Variants in RNF40 observed in about 807,000 individuals in gnomAD.
RNF40 encodes E3 ubiquitin-protein ligase BRE1B.
In RNF40, 39 loss-of-function variants were observed where a neutral mutation model predicts 123.3. The observed-to-expected ratio is 0.32, with a 90% CI of 0.24 to 0.41. RNF40 has a LOEUF of 0.41. RNF40 is among the 10% of genes least tolerant of loss of function. The pLI is 1.00. For missense variants in RNF40, 1,003 were observed against 1,319.9 expected (o/e 0.76, Z 3.72); for synonymous variants, 538 against 526.0 (o/e 1.02, Z -0.31).
chr16:30,766,884 G>A lies in RNF40; in HGVS notation c.1429+8G>A, dbSNP rs762899972. The A allele has an allele frequency of 7.4e-6, 12 of 1,612,420 alleles. No homozygotes were observed. The highest frequency in any genetic ancestry group is 1.7e-5 in the Admixed American group (1 of 59,980). ...CGGCCAACGAGCAGGCGGGTATGTG[G>A]TGAGGATAGGGCGGAGGTGGGGCCT... On this transcript the variant is annotated splice_region_variant and intron_variant, in intron 11 of 19. Transcript: ENST00000324685. This position sits in a 1 kb window ranked among gnomAD's most constrained non-coding sequence, Gnocchi z 5.4.
rs1352486678 is a variant in RNF40 at position 30,763,332 on chromosome 16, A to T, written c.300+47A>T. ...AGACCAGGCCTTGATTCAGCTGCCA[A>T]TCCCCAGATTCCCCTGCTAGGAAAG... On this transcript the variant is annotated intron_variant, in intron 3 of 19. Transcript: ENST00000324685. The T allele has an allele frequency of 1.1e-5, 18 of 1,610,112 alleles. No homozygotes were observed. In the East Asian group the frequency reaches 4.0e-4, roughly 36 times the overall value.
intron 4 of RNF40, among the ~76,000 whole-genome samples, chr16:30,763,921 A>T (rs531367684): frequency 6.6e-6 from 1 of 152,294 alleles, no homozygotes; most frequent in East Asian, 1.9e-4. Context: ...GTGTGCATGC[A>T]TGTGCGTGTG....
rs753036695 is a variant in RNF40 at position 30,766,581 on chromosome 16, A to G, written c.1293+23A>G. 179 of 1,595,080 alleles carry G rather than the reference A, an allele frequency of 1.1e-4. 1 individual carries two copies. Among genetic ancestry groups the G allele is most frequent in the Non-Finnish European group, 1.3e-4 (157 of 1,168,718 alleles). ...GAGGTATGGCCCTGGAACAGGCGTT[A>G]GGGCTGGGCTAAGGGCCAAACCGTT... On this transcript the variant is annotated intron_variant, in intron 10 of 19. Coordinates refer to ENST00000324685, the MANE Select transcript of RNF40 (RefSeq NM_014771.4). The surrounding 1 kb of genome is among the most constrained non-coding windows in gnomAD (Gnocchi z 5.4).
chr16:30,774,440 C>G lies in RNF40; in HGVS notation c.*326C>G, dbSNP rs1307406760. On this transcript the variant is annotated 3_prime_UTR_variant, in exon 20 of 20. Transcript: ENST00000324685. ...AACCTGTCTGTCTCCGTGGATGCAT[C>G]CTAACCCTAAGGAAAATTCCCCAGG... 3.4e-6 allele frequency: 1 copy of G among 292,926 alleles called. No homozygotes were observed. The highest frequency in any genetic ancestry group is 6.4e-6 in the Non-Finnish European group (1 of 155,604). The allele number at this position is 292,926 out of a possible 1,614,324, so 18.1% of individuals were successfully genotyped here. A position where few individuals can be genotyped will look rare whatever the true frequency, so the allele number is the denominator to read the frequency against.
At position 30,768,294 on chromosome 16, in the gene RNF40, G is replaced by T. The variant is rs754168471; in HGVS notation, c.1743G>T (p.Glu581Asp). 1.9e-6 allele frequency: 3 copies of T among 1,613,896 alleles called. No individual in the cohort carries two copies. Among genetic ancestry groups the T allele is most frequent in the Non-Finnish European group, 2.5e-6 (3 of 1,180,014 alleles). Residue 581 changes from glutamate to aspartate, a missense_variant, in exon 13 of 20, where the codon GAG (glutamate) becomes GAT (aspartate). By Grantham distance (45) the Glu-to-Asp change is conservative. Around this residue, in one of 11 missense-constraint regions of RNF40, gnomAD observed 295 missense variants for 331.7 expected, o/e 0.89. Transcript: ENST00000324685. The surrounding 1 kb of genome is among the most constrained non-coding windows in gnomAD (Gnocchi z 4.1). Reference protein sequence around the residue: ...TTTTTSVKKEELVPSEEDFQG... With the variant: ...TTTTTSVKKEDLVPSEEDFQG... ...CTACCACTTCAGTGAAGAAGGAGGA[G>T]CTGGTCCCCTCTGAAGAGGACTTCC...
At chr16:30,763,320 A>AT (rs2053931484) in intron 3 of RNF40, 35 bp downstream of exon 3, 1 of 1,611,094 alleles carries the variant, frequency 6.2e-7, no homozygotes, top group Admixed American at 1.7e-5. Flanking sequence ...CCAGGCCTTG[A>AT]TTCAGCTGCC....
Position 30,771,920 on chromosome 16 carries a change from G to A in RNF40, c.2674G>A (p.Ala892Thr). 6.2e-7 allele frequency: 1 copy of A among 1,608,776 alleles called. No homozygotes were observed. Among genetic ancestry groups the A allele is most frequent in the Non-Finnish European group, 8.5e-7 (1 of 1,176,550 alleles). Reference protein sequence around the residue: ...TRLREIQPCLAESRAAREKES... With the variant: ...TRLREIQPCLTESRAAREKES... The stretch of plus-strand genomic sequence containing the variant: ...GCTGCGGGAGATCCAGCCCTGCCTG[G>A]CAGAGAGCCGGGCTGCTCGTGAGAA... The change falls in exon 18 of 20, where the codon GCA becomes ACA. Residue 892 changes from alanine to threonine, a missense_variant. By Grantham distance (58) the Ala-to-Thr change is moderately conservative. Coordinates refer to ENST00000324685, the MANE Select transcript of RNF40 (RefSeq NM_014771.4).
chr16:30,774,156 G>A lies in RNF40; in HGVS notation c.*42G>A. On this transcript the variant is annotated 3_prime_UTR_variant, in exon 20 of 20. Coordinates refer to ENST00000324685, the MANE Select transcript of RNF40 (RefSeq NM_014771.4). ...ACTCTGGAACACCATGGACCCTGGGGGCTGTGCCCCCATCTCCTCCCCACC... is the reference window on the plus strand; with the variant it reads ...ACTCTGGAACACCATGGACCCTGGGAGCTGTGCCCCCATCTCCTCCCCACC... 1 of 1,564,388 alleles carries A rather than the reference G, an allele frequency of 6.4e-7. No homozygotes were observed. Among genetic ancestry groups the A allele is most frequent in the South Asian group, 1.2e-5 (1 of 85,678 alleles).
At chr16:30,763,900 G>A (rs965670986) in intron 4 of RNF40, among the ~76,000 whole-genome samples, 21 of 152,130 alleles carry the variant, frequency 1.4e-4, no homozygotes, top group East Asian at 5.8e-4. Flanking sequence ...CTCCTGAAAC[G>A]GAATGATTGT....
chr16:30,772,211 G>A (rs1223714056), intron 19 of RNF40, 21 bp downstream of exon 19: 1 of 1,531,016 alleles, frequency 6.5e-7, no homozygotes, highest in South Asian at 1.2e-5. Context: ...GGGCCAAGTT[G>A]TGCCCTATCC....
rs946229144 is a variant in RNF40 at position 30,774,972 on chromosome 16, C to A, written c.*858C>A. The A allele has an allele frequency of 1.1e-5, 5 of 456,424 alleles. No homozygotes were observed. Among genetic ancestry groups the A allele is most frequent in the Non-Finnish European group, 1.8e-5 (4 of 226,814 alleles). The allele number at this position is 456,424 out of a possible 1,614,324, so 28.3% of individuals were successfully genotyped here. ...CCAGCCCCAGCCGCTGGGCCAACTT[C>A]CAATCATTCCAGCTAGAAGAGCTTC... On this transcript the variant is annotated 3_prime_UTR_variant, in exon 20 of 20. Coordinates refer to ENST00000324685, the MANE Select transcript of RNF40 (RefSeq NM_014771.4).
At position 30,768,560 on chromosome 16, in the gene RNF40, C is replaced by T. The variant is rs1210048394; in HGVS notation, c.1979+30C>T. 17 of 1,613,572 alleles carry T rather than the reference C, an allele frequency of 1.1e-5. No individual in the cohort carries two copies. The highest frequency in any genetic ancestry group is 1.4e-5 in the Non-Finnish European group (16 of 1,179,654). ...GGCTCTGTTCCTGTCTCCTTCCTGACCCTGCCAGGTGGCCTCCAGTCCCAC... is the reference window on the plus strand; with the variant it reads ...GGCTCTGTTCCTGTCTCCTTCCTGATCCTGCCAGGTGGCCTCCAGTCCCAC... On this transcript the variant is annotated intron_variant, in intron 13 of 19. Coordinates refer to ENST00000324685, the MANE Select transcript of RNF40 (RefSeq NM_014771.4). The surrounding 1 kb of genome is among the most constrained non-coding windows in gnomAD (Gnocchi z 4.1).
chr16:30,774,833 A>G lies in RNF40; in HGVS notation c.*719A>G. 5.2e-6 allele frequency: 2 copies of G among 383,172 alleles called. No individual in the cohort carries two copies. Among genetic ancestry groups the G allele is most frequent in the Non-Finnish European group, 1.0e-5 (2 of 192,916 alleles). The allele number at this position is 383,172 out of a possible 1,614,324, so 23.7% of individuals were successfully genotyped here. A position where few individuals can be genotyped will look rare whatever the true frequency, so the allele number is the denominator to read the frequency against. The stretch of plus-strand genomic sequence containing the variant: ...CTCCATTTCTCTGCCAAGCCCATTT[A>G]CCCCCACCTCATGCATCCCAAGGCT... On this transcript the variant is annotated 3_prime_UTR_variant, in exon 20 of 20. Transcript: ENST00000324685.
In RNF40 at chr16:30,768,880, G is replaced by T; in HGVS notation, c.2140G>T (p.Asp714Tyr). The T allele has an allele frequency of 6.2e-7, 1 of 1,614,238 alleles. No homozygotes were observed. Among genetic ancestry groups the T allele is most frequent in the Non-Finnish European group, 8.5e-7 (1 of 1,180,042 alleles). Residue 714 changes from aspartate (D) to tyrosine (Y), a missense_variant, in exon 15 of 20, where the codon GAT becomes TAT. Coordinates refer to ENST00000324685, the MANE Select transcript of RNF40 (RefSeq NM_014771.4). The surrounding 1 kb of genome is among the most constrained non-coding windows in gnomAD (Gnocchi z 4.1). ...CCGCATCCGGGAATTGGAGGAGAGG[G>T]ATCGAAGGGAGAGCAAGAAGATCGC... ...RSRIRELEERDRRESKKIADE... is the reference protein window; with the variant it reads ...RSRIRELEERYRRESKKIADE...
chr16:30,767,653 AC>A, intron 11 of RNF40: 1 of 441,780 alleles, frequency 2.3e-6, no homozygotes, highest in Non-Finnish European at 4.0e-6. Flanking sequence ...TAAAAAAAAA[AC>A]AAAAAACCCC....
In RNF40 at chr16:30,766,439, C is replaced by G; in HGVS notation, c.1174C>G (p.Gln392Glu). Reference sequence around the variant, plus strand: ...GGAGACGGGGGAGTACCGCATGCTGCAGGCCCAATTCTCACTGCTCTACAA... The same window carrying G: ...GGAGACGGGGGAGTACCGCATGCTGGAGGCCCAATTCTCACTGCTCTACAA... ...VRETGEYRML[Q>E]AQFSLLYNES... The change falls in exon 10 of 20, where the codon CAG becomes GAG. Residue 392 changes from glutamine to glutamate, a missense_variant. By Grantham distance (29) the Gln-to-Glu change is conservative. This residue lies in a region of RNF40 where 274 missense variants were observed against 356.9 expected (regional missense o/e 0.77). Transcript: ENST00000324685. The surrounding 1 kb of genome is among the most constrained non-coding windows in gnomAD (Gnocchi z 5.4). 1.2e-6 allele frequency: 2 copies of G among 1,613,964 alleles called. No homozygotes were observed. Among genetic ancestry groups the G allele is most frequent in the Non-Finnish European group, 1.7e-6 (2 of 1,179,998 alleles).
In RNF40 at chr16:30,764,303, G is replaced by A. The variant is rs1596744680; in HGVS notation, c.567G>A (p.Lys189=). The part of the protein sequence containing the change: ...LELQGRMEFS[K]AAVSRVVEAS... ...TGCAAGGCCGAATGGAGTTCTCCAA[G>A]GCAGCTGTGTCTCGTGTGGTAGAGG... The change falls in exon 5 of 20, where the codon AAG becomes AAA. Residue 189 remains lysine (K), a synonymous_variant. Transcript: ENST00000324685. 2.0e-5 allele frequency: 33 copies of A among 1,613,920 alleles called. No homozygotes were observed. The East Asian group carries it at 7.3e-4, about 36-fold the overall frequency.
chr16:30,774,681 C>G lies in RNF40; in HGVS notation c.*567C>G. The G allele has an allele frequency of 3.1e-6, 1 of 320,826 alleles. No individual in the cohort carries two copies. The highest frequency in any genetic ancestry group is 2.5e-5 in the South Asian group (1 of 39,396). The allele number at this position is 320,826 out of a possible 1,614,324, so 19.9% of individuals were successfully genotyped here. A position where few individuals can be genotyped will look rare whatever the true frequency, so the allele number is the denominator to read the frequency against. ...TGTGCCAAGGGCTGAAGGAGGTACC[C>G]TCTTGGCAGATGGGGGCATCACTTG... On this transcript the variant is annotated 3_prime_UTR_variant, in exon 20 of 20. Coordinates refer to ENST00000324685, the MANE Select transcript of RNF40 (RefSeq NM_014771.4).
At position 30,772,952 on chromosome 16, in the gene RNF40, TG is replaced by T. The variant is rs575418397; in HGVS notation, c.2829+764del. Among the ~76,000 whole-genome samples, 25 of 152,174 alleles carry T rather than the reference TG, an allele frequency of 1.6e-4. No homozygotes were observed. The East Asian group carries it at 4.4e-3, about 27-fold the overall frequency. ...TGGACTCGGGGGTGGATCGAATGCA[TG>T]GAGTGAGGGAAAGGGAACACTTGGA... On this transcript the variant is annotated intron_variant, in intron 19 of 19. Coordinates refer to ENST00000324685, the MANE Select transcript of RNF40 (RefSeq NM_014771.4).
Sources: allele counts gnomAD v4.1 joint callset (sites outside exome capture counted in the v4.1 genomes callset), GRCh38; gene constraint gnomAD v4.1.1; regional missense constraint gnomAD v4.1.1; non-coding constraint Gnocchi (gnomAD v3.1); transcripts MANE v1.5; gene names NCBI Gene and HGNC (gene_info 2026-07-23, HGNC 2026-07-21).